Variants in DAB1 observed in about 807,000 individuals in gnomAD.
The protein encoded by DAB1 is DAB adaptor protein 1.
In DAB1, 15 loss-of-function variants were observed where a neutral mutation model predicts 64.6. That is an observed-to-expected ratio of 0.23 (90% CI 0.16 to 0.36). DAB1 has a LOEUF of 0.36. DAB1 is among the 10% of genes least tolerant of loss of function. The pLI is 1.00. For synonymous variants in DAB1, 235 were observed against 251.9 expected, an observed-to-expected ratio of 0.93 and a Z score of 0.64; for missense variants, 596 against 706.7, an observed-to-expected ratio of 0.84 and a Z score of 1.78.
At chr1:57,429,838 T>C (rs1369892086) in intron 7 of DAB1, among the ~76,000 whole-genome samples, 2 of 152,226 alleles carry the variant, frequency 1.3e-5, no homozygotes, top group Non-Finnish European at 2.9e-5. Flanking sequence ...TTCTGTTTCA[T>C]TGGTCTATGT....
At chr1:57,274,304 G>A (rs1671282237) in intron 2 of DAB1, among the ~76,000 whole-genome samples, 1 of 152,180 alleles carries the variant, frequency 6.6e-6, no homozygotes, top group Non-Finnish European at 1.5e-5. Flanking sequence ...TAAGATAGAG[G>A]CTAGTGTGGT....
intron 7 of DAB1, among the ~76,000 whole-genome samples, chr1:57,598,686 C>A (rs1193455023): frequency 6.6e-6 from 1 of 152,140 alleles, no homozygotes; most frequent in Non-Finnish European, 1.5e-5. Context: ...GCTCAGAAGA[C>A]AACTTACTAG....
chr1:57,689,579 C>T lies in DAB1; in HGVS notation n.552-39914G>A, dbSNP rs554388045. Among the ~76,000 whole-genome samples the T allele has an allele frequency of 7.9e-5, 12 of 152,208 alleles. No homozygotes were observed. The East Asian group carries it at 9.7e-4, about 12-fold the overall frequency. ...TGATACTTGGCTCTGCTGTGCTCAT[C>T]GTTACCTAGTAAGAACAAGTCAAAT... On this transcript the variant is annotated intron_variant and non_coding_transcript_variant, in intron 6 of 20. Transcript: ENST00000485760.
intron 7 of DAB1, among the ~76,000 whole-genome samples, chr1:57,439,430 T>TTTTTTTTTTTGTTTTTTTTTTTTTG (rs1685838819): frequency 2.3e-5 from 3 of 129,512 alleles, no homozygotes; most frequent in East Asian, 5.0e-4. Context: ...TTTTTCTTTT[T>TTTTTTTTTTTGTTTTTTTTTTTTTG]TTTTTTTTTT....
chr1:57,970,587 C>T (rs1645774029), intron 5 of DAB1, among the ~76,000 whole-genome samples: 1 of 152,162 alleles, frequency 6.6e-6, no homozygotes, highest in Non-Finnish European at 1.5e-5. Flanking sequence ...CTAAAATCAG[C>T]AGATTACCCA....
chr1:58,329,066 C>A (rs1265966051), intron 4 of DAB1, among the ~76,000 whole-genome samples: 1 of 152,222 alleles, frequency 6.6e-6, no homozygotes, highest in Non-Finnish European at 1.5e-5. Context: ...CAGTGACCAA[C>A]TCCAGCTTCT....
chr1:57,116,409 C>T, intron 4 of DAB1, among the ~76,000 whole-genome samples: 1 of 130,462 alleles, frequency 7.7e-6, no homozygotes, highest in East Asian at 2.2e-4. Flanking sequence ...TTGCAGTGAG[C>T]TGAGATCACG....
At chr1:57,770,948 G>C (rs951949841) in intron 6 of DAB1, among the ~76,000 whole-genome samples, 4 of 152,106 alleles carry the variant, frequency 2.6e-5, no homozygotes, top group Non-Finnish European at 4.4e-5. Context: ...ATACTGAGCA[G>C]ATTACTTCAT....
intron 5 of DAB1, among the ~76,000 whole-genome samples, chr1:58,042,944 A>G (rs181991502): frequency 6.6e-6 from 1 of 152,276 alleles, no homozygotes; most frequent in African/African-American, 2.4e-5. Flanking sequence ...GAGAAGCTAG[A>G]GGTAAAGATT....
intron 9 of DAB1, among the ~76,000 whole-genome samples, chr1:57,043,458 C>T (rs990031368): frequency 2.6e-5 from 4 of 152,250 alleles, no homozygotes; most frequent in African/African-American, 9.6e-5. Flanking sequence ...CTCTCTCCCT[C>T]TTCTCTGTGG....
At chr1:57,743,317 C>T (rs1000207790) in intron 6 of DAB1, among the ~76,000 whole-genome samples, 1 of 152,182 alleles carries the variant, frequency 6.6e-6, no homozygotes, top group Admixed American at 6.5e-5. Context: ...ATCTCCCCCA[C>T]CCTTAAGAAG....
chr1:57,206,913 C>G (rs1179930772), intron 2 of DAB1, among the ~76,000 whole-genome samples: 1 of 149,328 alleles, frequency 6.7e-6, no homozygotes, highest in Non-Finnish European at 1.5e-5. Flanking sequence ...ACTTAAATGA[C>G]AAACACAACT....
intron 6 of DAB1, among the ~76,000 whole-genome samples, chr1:57,683,279 C>A (rs896676827): frequency 6.6e-6 from 1 of 152,094 alleles, no homozygotes; most frequent in Non-Finnish European, 1.5e-5. Context: ...GTCCTCTGCC[C>A]GAGCGAGCCC....
intron 6 of DAB1, among the ~76,000 whole-genome samples, chr1:57,805,796 C>T (rs1651333682): frequency 6.6e-6 from 1 of 152,130 alleles, no homozygotes; most frequent in Non-Finnish European, 1.5e-5. Flanking sequence ...ACCCTGAAAT[C>T]CTCCTTTATG....
rs143035594 is a variant in DAB1, at chr1:57,437,404, A to T, written n.626-146238T>A. On this transcript the variant is annotated intron_variant and non_coding_transcript_variant, in intron 7 of 20. Coordinates refer to the DAB1 transcript ENST00000485760. ...ACAGTGATGCAAATCACACTTTATA[A>T]AATATTTTTAAAATAAAAAAGAATG... is the stretch of plus-strand genomic sequence containing the variant. 1.9e-3 allele frequency among the ~76,000 whole-genome samples: 285 copies of T among 152,324 alleles called. 1 individual carries two copies. Among genetic ancestry groups the T allele is most frequent in the Non-Finnish European group, 3.6e-3 (243 of 68,032 alleles).
At position 57,944,315 on chromosome 1, in the gene DAB1, A is replaced by T. The variant is rs142938944; in HGVS notation, n.388-60153T>A. ...TCCCCATCCTTTCTGTTTTCTATGC[A>T]TCCTTCAGAGTTCAGCCCAACATTA... On this transcript the variant is annotated intron_variant and non_coding_transcript_variant, in intron 5 of 20. Transcript: ENST00000485760. Among the ~76,000 whole-genome samples, 440 of 152,158 alleles carry T rather than the reference A, an allele frequency of 2.9e-3. 4 individuals are homozygous for T. The highest frequency in any genetic ancestry group is 9.9e-3 in the African/African-American group (412 of 41,502).
intron 1 of DAB1, among the ~76,000 whole-genome samples, chr1:57,341,095 G>A (rs1397816190): frequency 2.0e-5 from 3 of 152,124 alleles, no homozygotes; most frequent in Admixed American, 6.5e-5. Context: ...TTTTACAGAC[G>A]AGGACATTGG....
chr1:58,058,609 G>A (rs755337324), intron 5 of DAB1, among the ~76,000 whole-genome samples: 14 of 152,030 alleles, frequency 9.2e-5, no homozygotes, highest in Non-Finnish European at 1.5e-4. Context: ...AATGCTACCC[G>A]CTGGAACTAC....
At chr1:57,077,292 T>C (rs1488645387) in intron 4 of DAB1, among the ~76,000 whole-genome samples, 1 of 152,160 alleles carries the variant, frequency 6.6e-6, no homozygotes, top group African/African-American at 2.4e-5. Flanking sequence ...TGTTAGGCCC[T>C]TCAGAGAAAG....
Sources: gnomAD v4.1 joint callset for allele counts (sites outside exome capture counted in the v4.1 genomes callset) on GRCh38, gnomAD v4.1.1 for gene constraint, MANE v1.5 for transcripts, NCBI Gene and HGNC (gene_info 2026-07-23, HGNC 2026-07-21) for gene names.